Variants in TRHDE observed in about 807,000 individuals in gnomAD.
TRHDE encodes thyrotropin releasing hormone degrading enzyme.
A neutral mutation model predicts 125.7 loss-of-function variants in TRHDE; 72 were observed. The ratio of observed to expected loss-of-function variants is 0.57; its 90% CI spans 0.47 to 0.70. TRHDE has a LOEUF of 0.70. Ranked by LOEUF, TRHDE falls within the 30% of genes least tolerant of loss-of-function variation. The probability of loss-of-function intolerance (pLI) is 0.00; values close to 1 mark genes in which losing one functional copy is unlikely to be tolerated. For missense variants in TRHDE, 1,110 were observed against 1,327.1 expected, an observed-to-expected ratio of 0.84 and a Z score of 2.54; for synonymous variants, 509 against 509.1, an observed-to-expected ratio of 1.00 and a Z score of 0.00.
chr12:72,504,222 A>C (rs888890127), intron 6 of TRHDE, among the ~76,000 whole-genome samples: 7 of 152,276 alleles, frequency 4.6e-5, no homozygotes, highest in African/African-American at 1.4e-4. Context: ...TGATCATAGC[A>C]GAATGTGAAT....
intron 2 of TRHDE, among the ~76,000 whole-genome samples, chr12:72,295,331 C>A (rs896055704): frequency 6.6e-6 from 1 of 152,128 alleles, no homozygotes; most frequent in Non-Finnish European, 1.5e-5. Context: ...CAGCCCTGGC[C>A]GCGCCTCCCT....
intron 1 of TRHDE, among the ~76,000 whole-genome samples, chr12:72,089,042 TCCTTTA>T (rs1358580172): frequency 1.3e-5 from 2 of 152,120 alleles, no homozygotes. Context: ...TTTTCAAACC[TCCTTTA>T]CCCATTGCCT....
chr12:72,601,930 A>C (rs1409889150), intron 12 of TRHDE, among the ~76,000 whole-genome samples: 1 of 152,140 alleles, frequency 6.6e-6, no homozygotes, highest in Non-Finnish European at 1.5e-5. Flanking sequence ...ATCTCTGTAC[A>C]TGGTAACAAA....
chr12:72,232,982 G>A (rs1331622728), intron 2 of TRHDE, among the ~76,000 whole-genome samples: 5 of 152,082 alleles, frequency 3.3e-5, no homozygotes, highest in Non-Finnish European at 7.4e-5. Context: ...AATCTGTTTT[G>A]TTCACTTCTG....
chr12:72,367,213 C>T (rs1182888374), intron 2 of TRHDE, among the ~76,000 whole-genome samples: 8 of 152,102 alleles, frequency 5.3e-5, no homozygotes, highest in Non-Finnish European at 1.2e-4. Context: ...AATTCTTCAC[C>T]TGTAATATTA....
At chr12:72,474,671 G>A (rs1227746240) in intron 5 of TRHDE, among the ~76,000 whole-genome samples, 2 of 152,042 alleles carry the variant, frequency 1.3e-5, no homozygotes, top group Admixed American at 6.6e-5. Flanking sequence ...ATCTGTCAGT[G>A]GATCGATTGC....
chr12:72,198,096 TATC>T (rs1236574992), intron 2 of TRHDE, among the ~76,000 whole-genome samples: 11 of 152,260 alleles, frequency 7.2e-5, no homozygotes, highest in Admixed American at 1.3e-4. Context: ...TTCTTTCACT[TATC>T]ATAATGTTTT....
intron 18 of TRHDE, among the ~76,000 whole-genome samples, chr12:72,660,377 A>G (rs1874869399): frequency 6.6e-6 from 1 of 152,124 alleles, no homozygotes; most frequent in South Asian, 2.1e-4. Context: ...GCCTCCCACA[A>G]GAAGCTGGTG....
intron 2 of TRHDE, among the ~76,000 whole-genome samples, chr12:72,349,555 C>T (rs111445891): frequency 5.3e-5 from 8 of 151,076 alleles, no homozygotes; most frequent in East Asian, 3.9e-4. Flanking sequence ...TTTTTTTGGG[C>T]GGGGGGGTGG....
At chr12:72,456,780 G>A (rs377400775) in intron 3 of TRHDE, among the ~76,000 whole-genome samples, 3 of 152,118 alleles carry the variant, frequency 2.0e-5, no homozygotes, top group African/African-American at 7.2e-5. Flanking sequence ...GTATAACTTA[G>A]TGATTCACAT....
At chr12:72,126,165 G>A (rs1293531571) in intron 2 of TRHDE, among the ~76,000 whole-genome samples, 1 of 152,086 alleles carries the variant, frequency 6.6e-6, no homozygotes, top group African/African-American at 2.4e-5. Flanking sequence ...GGAGGTGAAA[G>A]ATCTCTACAA....
At chr12:72,096,919 A>G (rs1874936694) in intron 1 of TRHDE, among the ~76,000 whole-genome samples, 1 of 152,172 alleles carries the variant, frequency 6.6e-6, no homozygotes, top group Non-Finnish European at 1.5e-5. Flanking sequence ...TCTAGCTCAC[A>G]TCTTCTCCAC....
chr12:72,218,828 G>T (rs1877946823), intron 2 of TRHDE, among the ~76,000 whole-genome samples: 1 of 152,104 alleles, frequency 6.6e-6, no homozygotes, highest in Non-Finnish European at 1.5e-5. Context: ...AAATCTGGAT[G>T]ACCTTATCTT....
chr12:72,340,639 A>C (rs576438810), intron 2 of TRHDE, among the ~76,000 whole-genome samples: 7 of 152,076 alleles, frequency 4.6e-5, no homozygotes, highest in Non-Finnish European at 7.4e-5. Flanking sequence ...ACAGTCTCAA[A>C]GCCACTTGAT....
chr12:72,510,848 T>G (rs1375212817), intron 6 of TRHDE, among the ~76,000 whole-genome samples: 1 of 152,170 alleles, frequency 6.6e-6, no homozygotes, highest in African/African-American at 2.4e-5. Flanking sequence ...AGATTGATTT[T>G]GGAACATTTG....
chr12:72,417,259 C>T (rs1873770432), intron 3 of TRHDE, among the ~76,000 whole-genome samples: 1 of 151,940 alleles, frequency 6.6e-6, no homozygotes, highest in Non-Finnish European at 1.5e-5. Flanking sequence ...GTAGTAATCA[C>T]AAACAGGCTG....
chr12:72,410,816 C>T (rs933980938), intron 3 of TRHDE, among the ~76,000 whole-genome samples: 12 of 151,544 alleles, frequency 7.9e-5, no homozygotes, highest in Admixed American at 2.0e-4. Context: ...GCTGGCTGTC[C>T]ACCACTTCTA....
chr12:72,208,717 C>T (rs1050047551), intron 2 of TRHDE, among the ~76,000 whole-genome samples: 3 of 152,110 alleles, frequency 2.0e-5, no homozygotes, highest in East Asian at 1.9e-4. Flanking sequence ...TTATGAAGGG[C>T]GATATACTTA....
intron 3 of TRHDE, among the ~76,000 whole-genome samples, chr12:72,403,656 C>T (rs1410957527): frequency 6.6e-6 from 1 of 152,154 alleles, no homozygotes; most frequent in Non-Finnish European, 1.5e-5. Context: ...TCCCAGGGAC[C>T]TGGATTAGAT....
Sources: allele counts gnomAD v4.1 joint callset (sites outside exome capture counted in the v4.1 genomes callset), GRCh38; gene constraint gnomAD v4.1.1; transcripts MANE v1.5; gene names NCBI Gene and HGNC (gene_info 2026-07-23, HGNC 2026-07-21).